The following CNTNAP2 variants were observed in gnomAD, a reference collection of about 807,000 sequenced individuals.
The protein encoded by CNTNAP2 is contactin-associated protein-like 2.
Under a neutral mutation model 155.2 loss-of-function variants are expected in CNTNAP2, and 98 were observed. That is an observed-to-expected ratio of 0.63 (90% confidence interval 0.54 to 0.75). The LOEUF (loss-of-function observed/expected upper bound fraction) is 0.75, where lower values mean the gene tolerates loss of function less well. CNTNAP2 is among the 30% of genes least tolerant of loss of function. The probability of loss-of-function intolerance (pLI) is 0.00; values close to 1 mark genes in which losing one functional copy is unlikely to be tolerated. For synonymous variants in CNTNAP2, 651 were observed against 631.2 expected (o/e 1.03, Z -0.47); for missense variants, 1,727 against 1,688.1 (o/e 1.02, Z -0.40).
rs915632175 is a variant in CNTNAP2, at chr7:146,161,262, C to T, written c.97+44289C>T. On this transcript the variant is annotated intron_variant, in intron 1 of 23. Coordinates refer to ENST00000361727, the MANE Select transcript of CNTNAP2 (RefSeq NM_014141.6). The stretch of plus-strand genomic sequence containing the variant: ...CAGTATCATACTGAATGCGCAAAAA[C>T]TTGAAGCATTCCCTTTGAAAACTGG... Among the ~76,000 whole-genome samples the T allele has an allele frequency of 1.1e-3, 167 of 152,294 alleles. 1 individual carries two copies. Among genetic ancestry groups the T allele is most frequent in the African/African-American group, 3.7e-3 (153 of 41,562 alleles).
intron 1 of CNTNAP2, among the ~76,000 whole-genome samples, chr7:146,684,781 C>T (rs77726416): frequency 2.6e-5 from 4 of 151,988 alleles, no homozygotes; most frequent in African/African-American, 4.8e-5. Flanking sequence ...ATGTCCCTAC[C>T]GAGGTTTGTT....
intron 2 of CNTNAP2, among the ~76,000 whole-genome samples, chr7:146,807,030 GAATA>G (rs1213675685): frequency 1.3e-5 from 2 of 152,102 alleles, no homozygotes; most frequent in Non-Finnish European, 2.9e-5. Context: ...ATGAAAAAAT[GAATA>G]AATAAACAAA....
chr7:146,702,419 CT>C (rs1312401570), intron 1 of CNTNAP2, among the ~76,000 whole-genome samples: 2 of 152,050 alleles, frequency 1.3e-5, no homozygotes, highest in African/African-American at 4.8e-5. Context: ...TTGTGAAATA[CT>C]TTAGAAAAGC....
intron 1 of CNTNAP2, among the ~76,000 whole-genome samples, chr7:146,202,348 C>T (rs1798878236): frequency 6.6e-6 from 1 of 151,996 alleles, no homozygotes; most frequent in Non-Finnish European, 1.5e-5. Flanking sequence ...ATTAAATCTC[C>T]TCTTAAGGAT....
chr7:147,860,432 C>CA (rs564664905), intron 13 of CNTNAP2, among the ~76,000 whole-genome samples: 54 of 150,878 alleles, frequency 3.6e-4, no homozygotes, highest in Admixed American at 1.1e-3. Flanking sequence ...TCAACAACAA[C>CA]AAAAAAAATT....
At chr7:148,247,611 C>T (rs1161134656) in intron 20 of CNTNAP2, among the ~76,000 whole-genome samples, 1 of 146,534 alleles carries the variant, frequency 6.8e-6, no homozygotes, top group Non-Finnish European at 1.5e-5. Context: ...CTCTCTCTCT[C>T]TCTCTCTCTC....
intron 1 of CNTNAP2, among the ~76,000 whole-genome samples, chr7:146,278,433 G>C (rs949993187): frequency 1.3e-5 from 2 of 152,054 alleles, no homozygotes; most frequent in African/African-American, 4.8e-5. Flanking sequence ...AGAAATCAAA[G>C]GAGAAGAAAA....
intron 22 of CNTNAP2, among the ~76,000 whole-genome samples, chr7:148,396,368 G>A (rs1799468389): frequency 6.6e-6 from 1 of 152,124 alleles, no homozygotes; most frequent in Admixed American, 6.5e-5. Context: ...TCAGTATCAT[G>A]CTTCTGTTAC....
chr7:146,256,820 A>G (rs1194069818), intron 1 of CNTNAP2, among the ~76,000 whole-genome samples: 3 of 152,172 alleles, frequency 2.0e-5, no homozygotes, highest in Non-Finnish European at 4.4e-5. Context: ...AATATCAAAT[A>G]AAATGTGTAA....
At chr7:147,001,298 CTTAA>C (rs1241523349) in intron 3 of CNTNAP2, among the ~76,000 whole-genome samples, 1 of 151,976 alleles carries the variant, frequency 6.6e-6, no homozygotes, top group Non-Finnish European at 1.5e-5. Flanking sequence ...ACTGGAGAGT[CTTAA>C]TTGACAGTCT....
chr7:147,841,444 T>A (rs1798729782), intron 13 of CNTNAP2, among the ~76,000 whole-genome samples: 1 of 152,130 alleles, frequency 6.6e-6, no homozygotes, highest in East Asian at 1.9e-4. Context: ...AGACCGAGAC[T>A]GAGATCTCAG....
At chr7:146,371,915 C>T (rs146871993) in intron 1 of CNTNAP2, among the ~76,000 whole-genome samples, 4,911 of 150,154 alleles carry the variant, frequency 0.033, 271 homozygotes, top group African/African-American at 0.12. Flanking sequence ...GCCAAGATCG[C>T]GCCACTGCAC....
At chr7:147,896,056 G>A (rs1002851450) in intron 13 of CNTNAP2, among the ~76,000 whole-genome samples, 4 of 152,216 alleles carry the variant, frequency 2.6e-5, no homozygotes, top group Admixed American at 6.5e-5. Context: ...GGGGGCATTC[G>A]TTATATGAAG....
chr7:147,667,319 A>G (rs1479294168), intron 13 of CNTNAP2, among the ~76,000 whole-genome samples: 3 of 152,174 alleles, frequency 2.0e-5, no homozygotes, highest in East Asian at 3.9e-4. Flanking sequence ...CTGGAAACCA[A>G]TGCCTTAAAG....
intron 21 of CNTNAP2, among the ~76,000 whole-genome samples, chr7:148,277,144 G>T (rs1796883614): frequency 6.6e-6 from 1 of 152,118 alleles, no homozygotes; most frequent in African/African-American, 2.4e-5. Flanking sequence ...TCTAGCTTTA[G>T]CATTCTAATG....
chr7:147,982,393 A>G (rs1265217385), intron 15 of CNTNAP2, among the ~76,000 whole-genome samples: 1 of 152,224 alleles, frequency 6.6e-6, no homozygotes. Flanking sequence ...AGGCCATGCC[A>G]GAAACACTGG....
intron 9 of CNTNAP2, among the ~76,000 whole-genome samples, chr7:147,338,063 A>G (rs549822669): frequency 1.3e-3 from 205 of 152,264 alleles, no homozygotes; most frequent in Middle Eastern, 3.4e-3. Flanking sequence ...TTATAAGGAA[A>G]TACCTGAGAC....
At chr7:147,320,771 C>T (rs1795337218) in intron 9 of CNTNAP2, among the ~76,000 whole-genome samples, 1 of 152,148 alleles carries the variant, frequency 6.6e-6, no homozygotes, top group Non-Finnish European at 1.5e-5. Flanking sequence ...CCTTTTGTGA[C>T]CCAAAGTTTC....
At chr7:146,648,511 GT>G (rs1406965252) in intron 1 of CNTNAP2, among the ~76,000 whole-genome samples, 3 of 151,926 alleles carry the variant, frequency 2.0e-5, no homozygotes, top group Non-Finnish European at 4.4e-5. Flanking sequence ...TTCTTTAAAT[GT>G]TTTTTAAAAA....
Sources: allele counts gnomAD v4.1 joint callset (sites outside exome capture counted in the v4.1 genomes callset), GRCh38; gene constraint gnomAD v4.1.1; transcripts MANE v1.5; gene names NCBI Gene and HGNC (gene_info 2026-07-23, HGNC 2026-07-21).